CTPS2: variants seen among roughly 807,000 people sequenced by gnomAD.
CTPS2 encodes CTP synthase II.
In CTPS2, 19 loss-of-function variants were observed where a neutral mutation model predicts 46.8. The observed-to-expected ratio is 0.41, with a 90% confidence interval of 0.28 to 0.60. The LOEUF (loss-of-function observed/expected upper bound fraction) is 0.60, where lower values mean the gene tolerates loss of function less well. Among genes scored for constraint, CTPS2 ranks in the 20% least tolerant of loss-of-function variants. The pLI is 0.35. For missense variants in CTPS2, 286 were observed against 447.6 expected (o/e 0.64, Z 3.26); for synonymous variants, 151 against 165.2 (o/e 0.91, Z 0.66).
chrX:16,646,765 G>C (rs147351425), intron 13 of CTPS2, among the ~76,000 whole-genome samples: 2,044 of 111,872 alleles, frequency 0.018, 43 homozygotes, highest in African/African-American at 0.062. Flanking sequence ...TCAAGACATT[G>C]CATGCTGTCA....
At chrX:16,605,002 T>C (rs774856991) in intron 17 of CTPS2, among the ~76,000 whole-genome samples, 26 of 112,539 alleles carry the variant, frequency 2.3e-4, no homozygotes, top group Admixed American at 1.9e-3. Context: ...TTGAGGCTGC[T>C]ATCTTTCAAA....
chrX:16,702,816 T>C lies in CTPS2; in HGVS notation c.87A>G (p.Ser29=). The C allele has an allele frequency of 8.3e-7, 1 of 1,210,418 alleles. No homozygotes were observed. Among genetic ancestry groups the C allele is most frequent in the Non-Finnish European group, 1.1e-6 (1 of 894,628 alleles). ...TTATGGCAGTAACTCGGAGTCCACA[T>C]GATTTTAGAATCGTTCCAATGCTGC... ...IASSIGTILK[S]CGLRVTAIKI... The change falls in exon 2 of 19, where the codon TCA becomes TCG. Residue 29 remains serine, a synonymous_variant. Transcript: ENST00000359276.
At chrX:16,646,782 A>G (rs961179248) in intron 13 of CTPS2, among the ~76,000 whole-genome samples, 1 of 111,956 alleles carries the variant, frequency 8.9e-6, no homozygotes, top group African/African-American at 3.3e-5. Flanking sequence ...GTCACCTTCA[A>G]GCAGAATAAC....
intron 10 of CTPS2, among the ~76,000 whole-genome samples, chrX:16,671,174 C>A (rs1921711163): frequency 8.9e-6 from 1 of 111,754 alleles, no homozygotes; most frequent in South Asian, 3.7e-4. Flanking sequence ...CAACAGAAAA[C>A]CCAGGAGGAT....
At chrX:16,624,281 T>A (rs892433271) in intron 14 of CTPS2, among the ~76,000 whole-genome samples, 1 of 112,351 alleles carries the variant, frequency 8.9e-6, no homozygotes, top group African/African-American at 3.2e-5. Flanking sequence ...ATTTACAAAA[T>A]TAATCCATTG....
intron 17 of CTPS2, among the ~76,000 whole-genome samples, chrX:16,601,111 C>T (rs948565571): frequency 3.6e-5 from 4 of 111,656 alleles, no homozygotes; most frequent in African/African-American, 1.3e-4. Flanking sequence ...GCAACATCAA[C>T]CATGCAACTC....
chrX:16,639,936 C>T (rs1931999728), intron 13 of CTPS2, among the ~76,000 whole-genome samples: 1 of 111,353 alleles, frequency 9.0e-6, no homozygotes, highest in Non-Finnish European at 1.9e-5. Flanking sequence ...CTCCCTCTCC[C>T]TCATAGCCAC....
At chrX:16,688,661 T>C (rs1417249388) in intron 8 of CTPS2, among the ~76,000 whole-genome samples, 1 of 111,325 alleles carries the variant, frequency 9.0e-6, no homozygotes, top group Non-Finnish European at 1.9e-5. Context: ...TTAATAATTA[T>C]GCTGAACAGT....
intron 1 of CTPS2, among the ~76,000 whole-genome samples, chrX:16,707,642 C>T (rs1294978555): frequency 2.7e-5 from 3 of 111,432 alleles, no homozygotes; most frequent in Non-Finnish European, 5.7e-5. Context: ...TGCCACTGCA[C>T]TCCAGCCTGG....
intron 13 of CTPS2, among the ~76,000 whole-genome samples, chrX:16,639,717 G>A (rs1412748448): frequency 1.1e-5 from 1 of 93,621 alleles, no homozygotes; most frequent in African/African-American, 4.1e-5. Context: ...ACCATTAGAG[G>A]GATTCCAAAA....
chrX:16,685,101 A>G (rs1241245893), intron 8 of CTPS2, among the ~76,000 whole-genome samples: 1 of 111,265 alleles, frequency 9.0e-6, no homozygotes, highest in African/African-American at 3.3e-5. Context: ...CAAAAAAAAA[A>G]GAGGATGCGG....
At chrX:16,599,822 C>G (rs1929551736) in intron 17 of CTPS2, among the ~76,000 whole-genome samples, 1 of 108,207 alleles carries the variant, frequency 9.2e-6, no homozygotes, top group South Asian at 4.2e-4. Flanking sequence ...ACTCTGGCAC[C>G]CAGGCTAGAG....
intron 16 of CTPS2, among the ~76,000 whole-genome samples, chrX:16,611,059 C>T (rs769744632): frequency 2.7e-5 from 3 of 111,760 alleles, no homozygotes; most frequent in African/African-American, 9.7e-5. Context: ...AAGGGGAGTG[C>T]AAGAGTTGAA....
At chrX:16,648,428 C>G (rs191102470) in intron 13 of CTPS2, among the ~76,000 whole-genome samples, 1 of 112,064 alleles carries the variant, frequency 8.9e-6, no homozygotes, top group East Asian at 2.8e-4. Context: ...GAAAGGCAGA[C>G]TGGTGTTCAT....
chrX:16,631,400 T>A lies in CTPS2; in HGVS notation c.1393+7747A>T, dbSNP rs1272814728. On this transcript the variant is annotated intron_variant, in intron 14 of 18. Transcript: ENST00000359276. Reference sequence around the variant, plus strand: ...CAGGCGTGGTGGCATGTGGCTGTAGTCCCAACTACTCAGGAGGCTGAGGCA... The same window carrying A: ...CAGGCGTGGTGGCATGTGGCTGTAGACCCAACTACTCAGGAGGCTGAGGCA... 3.6e-5 allele frequency among the ~76,000 whole-genome samples: 4 copies of A among 109,639 alleles called. No homozygotes were observed. In the East Asian group the frequency reaches 1.1e-3, roughly 31 times the overall value.
At chrX:16,671,734 C>T (rs1464690023) in intron 10 of CTPS2, among the ~76,000 whole-genome samples, 1 of 109,789 alleles carries the variant, frequency 9.1e-6, no homozygotes, top group East Asian at 2.9e-4. Context: ...AGGCTGGCCT[C>T]GAACTCCTGA....
intron 2 of CTPS2, 120 bp from the exon 3 acceptor site, chrX:16,699,213 A>G: frequency 2.2e-6 from 1 of 454,556 alleles, no homozygotes; most frequent in Non-Finnish European, 3.6e-6. Context: ...TTCTATCACC[A>G]TCTCCTTTTT....
chrX:16,682,010 G>C (rs1922784406), intron 9 of CTPS2, among the ~76,000 whole-genome samples: 1 of 111,945 alleles, frequency 8.9e-6, no homozygotes, highest in Admixed American at 9.6e-5. Flanking sequence ...CTCCATGTTA[G>C]AGAGGGGAAT....
chrX:16,683,852 G>T (rs184504239), intron 8 of CTPS2, among the ~76,000 whole-genome samples: 2 of 112,081 alleles, frequency 1.8e-5, no homozygotes, highest in East Asian at 5.6e-4. Context: ...CATTCAAAGT[G>T]TCTACATTTA....
Sources: gnomAD v4.1 joint callset for allele counts (sites outside exome capture counted in the v4.1 genomes callset) on GRCh38, gnomAD v4.1.1 for gene constraint, MANE v1.5 for transcripts, NCBI Gene and HGNC (gene_info 2026-07-23, HGNC 2026-07-21) for gene names.